SLC38A11: variants seen among roughly 807,000 people sequenced by gnomAD.
SLC38A11 encodes the protein putative sodium-coupled neutral amino acid transporter 11.
SLC38A11 carries 51 observed loss-of-function variants against 49.4 expected under a neutral mutation model. That is an observed-to-expected ratio of 1.03 (90% CI 0.83 to 1.30). The LOEUF is 1.30. SLC38A11 is among the 50% of genes most tolerant of loss of function. SLC38A11 has a pLI of 0.00. For synonymous variants in SLC38A11, 203 were observed against 192.9 expected, an observed-to-expected ratio of 1.05 and a Z score of -0.43; for missense variants, 574 against 556.2, an observed-to-expected ratio of 1.03 and a Z score of -0.32.
At position 164,908,778 on chromosome 2, in the gene SLC38A11, A is replaced by G. The variant is rs200252350; in HGVS notation, c.964-7T>C. 37 of 1,604,746 alleles carry G rather than the reference A, an allele frequency of 2.3e-5. No homozygotes were observed. The highest frequency in any genetic ancestry group is 3.1e-5 in the Non-Finnish European group (36 of 1,175,516). ...AAAACACATTGGCAATTACCTGCCGAATAAACAGATTATTTTGAGAGGGAC... is the reference window on the plus strand; with the variant it reads ...AAAACACATTGGCAATTACCTGCCGGATAAACAGATTATTTTGAGAGGGAC... On this transcript the variant is annotated splice_region_variant and splice_polypyrimidine_tract_variant and intron_variant, in intron 10 of 11. Transcript: ENST00000685975.
intron 9 of SLC38A11, among the ~76,000 whole-genome samples, chr2:164,913,149 C>T (rs1370202143): frequency 6.6e-6 from 1 of 151,910 alleles, no homozygotes; most frequent in Non-Finnish European, 1.5e-5. Flanking sequence ...CCAAGATTTA[C>T]TTTAAGTGGC....
intron 6 of SLC38A11, among the ~76,000 whole-genome samples, chr2:164,937,960 T>C (rs1349040005): frequency 6.6e-6 from 1 of 151,992 alleles, no homozygotes; most frequent in Non-Finnish European, 1.5e-5. Context: ...TTTTGCCCTT[T>C]GGTCTGCGTT....
At chr2:164,946,026 T>A in intron 3 of SLC38A11, among the ~76,000 whole-genome samples, 1 of 152,180 alleles carries the variant, frequency 6.6e-6, no homozygotes, top group African/African-American at 2.4e-5. Flanking sequence ...CATTTTACTT[T>A]CCTGATGTAA....
Position 164,954,697 on chromosome 2 carries a change from C to T in SLC38A11, c.88G>A (p.Glu30Lys). 1 of 1,543,966 alleles carries T rather than the reference C, an allele frequency of 6.5e-7. No homozygotes were observed. Among genetic ancestry groups the T allele is most frequent in the Admixed American group, 2.0e-5 (1 of 50,746 alleles). The part of the protein sequence containing the change: ...ETLVSEHEYK[E>K]KTCQSAALFN... ...AGAGCAGCAGACTGACAGGTTTTCT[C>T]TTTATACTCATGTTCAGAAACAAGG... is the stretch of plus-strand genomic sequence containing the variant. Residue 30 changes from glutamate (E) to lysine (K), a missense_variant, in exon 2 of 12, where the codon GAG (glutamate) becomes AAG (lysine). Physicochemically the swap from Glu to Lys is moderately conservative, Grantham distance 56. Coordinates refer to ENST00000685975, the MANE Select transcript of SLC38A11 (RefSeq NM_001351537.2).
At chr2:164,932,155 A>C (rs917769962) in intron 7 of SLC38A11, among the ~76,000 whole-genome samples, 3 of 152,324 alleles carry the variant, frequency 2.0e-5, no homozygotes, top group African/African-American at 7.2e-5. Flanking sequence ...TTCATATGAA[A>C]AAAAGCTCAG....
intron 11 of SLC38A11, among the ~76,000 whole-genome samples, chr2:164,899,212 G>A (rs184849113): frequency 2.0e-5 from 3 of 152,208 alleles, no homozygotes; most frequent in African/African-American, 7.2e-5. Flanking sequence ...AGCTTGTATG[G>A]AAGATGTGCC....
chr2:164,920,213 G>T (rs1295543728), intron 7 of SLC38A11, among the ~76,000 whole-genome samples: 1 of 150,678 alleles, frequency 6.6e-6, no homozygotes, highest in Non-Finnish European at 1.5e-5. Context: ...GGTGGAGGTT[G>T]CAGTGAGCAG....
intron 10 of SLC38A11, among the ~76,000 whole-genome samples, chr2:164,910,529 G>A (rs1432753609): frequency 1.3e-5 from 2 of 152,088 alleles, no homozygotes; most frequent in Non-Finnish European, 2.9e-5. Flanking sequence ...TTATACATGT[G>A]TGAGGGAGAG....
rs766291915 is a variant in SLC38A11 at position 164,895,347 on chromosome 2, T to C, written c.*3090A>G. ...TATCCTTGCCACAGTTAGTAAAGCATTCATGGGTACCCTCACTGATGGGTG... is the reference window on the plus strand; with the variant it reads ...TATCCTTGCCACAGTTAGTAAAGCACTCATGGGTACCCTCACTGATGGGTG... On this transcript the variant is annotated 3_prime_UTR_variant, in exon 12 of 12. Coordinates refer to ENST00000685975, the MANE Select transcript of SLC38A11 (RefSeq NM_001351537.2). Among the ~76,000 whole-genome samples the C allele has an allele frequency of 1.3e-5, 2 of 152,170 alleles. No individual in the cohort carries two copies. The highest frequency in any genetic ancestry group is 2.9e-5 in the Non-Finnish European group (2 of 68,032).
chr2:164,955,450 G>C lies in SLC38A11; in HGVS notation c.-203C>G, dbSNP rs1364004871. ...CAAGATCTCTAGGCTGTGGCAGCCTGGGGCGCTTTTCCACCGGAGTTCGCC... is the reference window on the plus strand; with the variant it reads ...CAAGATCTCTAGGCTGTGGCAGCCTCGGGCGCTTTTCCACCGGAGTTCGCC... On this transcript the variant is annotated 5_prime_UTR_variant, in exon 1 of 12. Coordinates refer to ENST00000685975, the MANE Select transcript of SLC38A11 (RefSeq NM_001351537.2). 1.6e-5 allele frequency: 9 copies of C among 557,182 alleles called. No individual in the cohort carries two copies. The highest frequency in any genetic ancestry group is 1.9e-5 in the African/African-American group (1 of 51,572). 34.5% of individuals were successfully genotyped at this position (557,182 alleles called of 1,614,324 possible). A position where few individuals can be genotyped will look rare whatever the true frequency, so the allele number is the denominator to read the frequency against.
intron 3 of SLC38A11, among the ~76,000 whole-genome samples, chr2:164,951,442 G>T (rs1396106576): frequency 6.6e-6 from 1 of 152,102 alleles, no homozygotes; most frequent in Non-Finnish European, 1.5e-5. Flanking sequence ...AGCACACTTA[G>T]GTCTCATGCT....
rs1195744074 is a variant in SLC38A11, at chr2:164,955,360, A to G, written c.-113T>C. 3 of 1,028,172 alleles carry G rather than the reference A, an allele frequency of 2.9e-6. No individual in the cohort carries two copies. In the East Asian group the frequency reaches 8.0e-5, roughly 27 times the overall value. The allele number at this position is 1,028,172 out of a possible 1,614,324, so 63.7% of individuals were successfully genotyped here. A position where few individuals can be genotyped will look rare whatever the true frequency, so the allele number is the denominator to read the frequency against. On this transcript the variant is annotated 5_prime_UTR_variant, in exon 1 of 12. Coordinates refer to ENST00000685975, the MANE Select transcript of SLC38A11 (RefSeq NM_001351537.2). ...AGCCGAGGTCCGCGTGTAGCCGCAGAGCTGCAGGGAGCCAGTTCCACGGGC... is the reference window on the plus strand; with the variant it reads ...AGCCGAGGTCCGCGTGTAGCCGCAGGGCTGCAGGGAGCCAGTTCCACGGGC...
At chr2:164,909,353 C>A (rs913639514) in intron 10 of SLC38A11, among the ~76,000 whole-genome samples, 1 of 152,022 alleles carries the variant, frequency 6.6e-6, no homozygotes, top group Non-Finnish European at 1.5e-5. Context: ...AAATTACTGA[C>A]TTAATGTGTC....
chr2:164,909,497 C>A (rs1014197362), intron 10 of SLC38A11, among the ~76,000 whole-genome samples: 1 of 150,378 alleles, frequency 6.6e-6, no homozygotes, highest in African/African-American at 2.5e-5. Flanking sequence ...CAAAAAAGAT[C>A]AAGGAGAATT....
intron 7 of SLC38A11, among the ~76,000 whole-genome samples, chr2:164,932,423 G>C (rs993432613): frequency 5.9e-5 from 9 of 151,820 alleles, no homozygotes; most frequent in Non-Finnish European, 1.2e-4. Context: ...ATATACCAAA[G>C]GAATATAGAT....
intron 7 of SLC38A11, among the ~76,000 whole-genome samples, chr2:164,920,297 A>AAAGG (rs1238707036): frequency 1.3e-5 from 2 of 148,634 alleles, no homozygotes; most frequent in South Asian, 4.3e-4. Flanking sequence ...AAAAAAAAAG[A>AAAGG]AAGGAAGGAA....
At chr2:164,936,153 A>C (rs895649205) in intron 7 of SLC38A11, among the ~76,000 whole-genome samples, 1 of 152,212 alleles carries the variant, frequency 6.6e-6, no homozygotes, top group African/African-American at 2.4e-5. Context: ...AATAATATAA[A>C]TATTACAGAT....
intron 3 of SLC38A11, among the ~76,000 whole-genome samples, chr2:164,950,521 A>G (rs1361884882): frequency 2.6e-5 from 4 of 152,180 alleles, no homozygotes; most frequent in Admixed American, 2.6e-4. Flanking sequence ...TTAGGTATTA[A>G]TCACTATAAT....
At chr2:164,953,549 A>T (rs1484915135) in intron 2 of SLC38A11, among the ~76,000 whole-genome samples, 1 of 152,142 alleles carries the variant, frequency 6.6e-6, no homozygotes, top group Non-Finnish European at 1.5e-5. Context: ...TCATACCTTC[A>T]TGGTACATGG....
Sources: gnomAD v4.1 joint callset for allele counts (sites outside exome capture counted in the v4.1 genomes callset) on GRCh38, gnomAD v4.1.1 for gene constraint, MANE v1.5 for transcripts, NCBI Gene and HGNC (gene_info 2026-07-23, HGNC 2026-07-21) for gene names.